DRC2: variants seen among roughly 807,000 people sequenced by gnomAD.
DRC2 encodes coiled-coil domain containing 65.
the DRC2 span, among the ~76,000 whole-genome samples, chr12:48,915,567 C>G: frequency 3.8e-4 from 57 of 149,966 alleles, no homozygotes; most frequent in African/African-American, 1.3e-3. Flanking sequence ...CACCTTTCCC[C>G]CCTTTCTATT....
chr12:48,916,631 G>GGGGAGA, the DRC2 span, among the ~76,000 whole-genome samples: 44,801 of 148,764 alleles, frequency 0.3, 7,064 homozygotes, highest in East Asian at 0.45. Flanking sequence ...GGGAGACCAT[G>GGGGAGA]GGGAGAGGGA....
At chr12:48,920,111 TAA>T in the DRC2 span, among the ~76,000 whole-genome samples, 3 of 32,056 alleles carry the variant, frequency 9.4e-5, no homozygotes, top group African/African-American at 1.4e-4. Flanking sequence ...AGACCCTGTC[TAA>T]AAAAAAAAAA....
the DRC2 span, among the ~76,000 whole-genome samples, chr12:48,920,441 TAAAAAAAAAAAAAA>T: frequency 8.8e-5 from 6 of 67,812 alleles, no homozygotes; most frequent in Admixed American, 9.1e-4. Flanking sequence ...AACTCCATCT[TAAAAAAAAAAAAAA>T]AAAAAAAAAA....
chr12:48,908,588 T>C, the DRC2 span, among the ~76,000 whole-genome samples: 1 of 121,594 alleles, frequency 8.2e-6, no homozygotes, highest in Middle Eastern at 4.3e-3. Context: ...TTATTATTAT[T>C]ATTATTATTA....
chr12:48,916,945 A>G, the DRC2 span: 3 of 1,611,622 alleles, frequency 1.9e-6, no homozygotes, highest in Non-Finnish European at 2.5e-6. Context: ...CCCTCAGAGC[A>G]GGGACAGTGT....
the DRC2 span, chr12:48,914,557 G>A: frequency 6.2e-7 from 1 of 1,613,900 alleles, no homozygotes; most frequent in African/African-American, 1.3e-5. Context: ...CCTAACCAAG[G>A]AGTTTGAGAC....
At chr12:48,917,109 G>A in the DRC2 span, 1 of 1,613,760 alleles carries the variant, frequency 6.2e-7, no homozygotes, top group Non-Finnish European at 8.5e-7. Context: ...CAAAAACATG[G>A]TACGGAGGGA....
chr12:48,919,201 C>A, the DRC2 span, among the ~76,000 whole-genome samples: 1 of 150,872 alleles, frequency 6.6e-6, no homozygotes, highest in African/African-American at 2.4e-5. Context: ...GCGTGAGCCA[C>A]CCTGGTGAGC....
chr12:48,918,438 T>C, the DRC2 span: 98 of 1,614,108 alleles, frequency 6.1e-5, no homozygotes, highest in Admixed American at 6.5e-4. Flanking sequence ...TCCAAAGAGA[T>C]TGAAGTACAG....
chr12:48,921,227 G>T, the DRC2 span: 1 of 1,614,218 alleles, frequency 6.2e-7, no homozygotes. Flanking sequence ...AAGTGAAACT[G>T]GAGCAACTGA....
At chr12:48,905,450 C>T in the DRC2 span, among the ~76,000 whole-genome samples, 5 of 152,222 alleles carry the variant, frequency 3.3e-5, no homozygotes, top group African/African-American at 4.8e-5. Flanking sequence ...CTGACTTGCC[C>T]AAGGTCACAT....
the DRC2 span, among the ~76,000 whole-genome samples, chr12:48,911,192 A>C: frequency 6.6e-6 from 1 of 152,174 alleles, no homozygotes; most frequent in African/African-American, 2.4e-5. Flanking sequence ...TTGTGATGTT[A>C]GCAGCTGTTG....
At chr12:48,914,333 G>A in the DRC2 span, 2 of 1,453,772 alleles carry the variant, frequency 1.4e-6, no homozygotes, top group Admixed American at 2.2e-5. Flanking sequence ...AAAACTGCCA[G>A]CTGAATATAT....
the DRC2 span, among the ~76,000 whole-genome samples, chr12:48,909,759 G>T: frequency 6.6e-6 from 1 of 150,514 alleles, no homozygotes; most frequent in African/African-American, 2.4e-5. Context: ...TTACAGGCGT[G>T]AGCCACCGCG....
chr12:48,906,302 A>AT, the DRC2 span, among the ~76,000 whole-genome samples: 8,172 of 134,898 alleles, frequency 0.061, 363 homozygotes, highest in African/African-American at 0.12. Flanking sequence ...CACCTTATGG[A>AT]TTTTTTTTTT....
chr12:48,917,141 G>A, the DRC2 span: 1 of 1,611,536 alleles, frequency 6.2e-7, no homozygotes, highest in Non-Finnish European at 8.5e-7. Context: ...CAAGAAGTGG[G>A]AGGAGGTGAT....
At chr12:48,918,014 C>G in the DRC2 span, 1 of 399,886 alleles carries the variant, frequency 2.5e-6, no homozygotes, top group East Asian at 4.2e-5. Flanking sequence ...GCCACATTTC[C>G]AAATGGCAAG....
chr12:48,914,582 G>T, the DRC2 span: 1 of 1,612,368 alleles, frequency 6.2e-7, no homozygotes, highest in Non-Finnish European at 8.5e-7. Context: ...AGGTATGGGG[G>T]CCTAAGAGAA....
chr12:48,911,904 T>G, the DRC2 span, among the ~76,000 whole-genome samples: 2 of 152,070 alleles, frequency 1.3e-5, no homozygotes, highest in South Asian at 2.1e-4. Flanking sequence ...TCTCTTGCCT[T>G]TATTTACCAG....
Sources: gnomAD v4.1 joint callset for allele counts (sites outside exome capture counted in the v4.1 genomes callset) on GRCh38, gnomAD v4.1.1 for gene constraint, MANE v1.5 for transcripts, NCBI Gene and HGNC (gene_info 2026-07-23, HGNC 2026-07-21) for gene names.